The following OPCML variants were observed in gnomAD, a reference collection of about 807,000 sequenced individuals.
OPCML encodes the protein opioid binding protein/cell adhesion molecule like.
In OPCML, 13 loss-of-function variants were observed where a neutral mutation model predicts 37.8. That is an observed-to-expected ratio of 0.34 (90% CI 0.22 to 0.55). The LOEUF (loss-of-function observed/expected upper bound fraction) is 0.55, where lower values mean the gene tolerates loss of function less well. Ranked by LOEUF, OPCML falls within the 20% of genes least tolerant of loss-of-function variation. OPCML has a pLI of 0.91. For missense variants in OPCML, 341 were observed against 435.6 expected, an observed-to-expected ratio of 0.78 and a Z score of 1.93; for synonymous variants, 176 against 168.8, an observed-to-expected ratio of 1.04 and a Z score of -0.33.
chr11:133,160,017 C>T (rs1055716762), intron 1 of OPCML, among the ~76,000 whole-genome samples: 7 of 152,306 alleles, frequency 4.6e-5, no homozygotes, highest in East Asian at 3.9e-4. Context: ...GCTCCTGGAA[C>T]GCAGACACTG....
At chr11:133,386,709 A>G (rs1945062464) in intron 1 of OPCML, among the ~76,000 whole-genome samples, 1 of 152,192 alleles carries the variant, frequency 6.6e-6, no homozygotes, top group African/African-American at 2.4e-5. Context: ...TAAGCAAATC[A>G]CATCTAAATA....
At chr11:133,101,809 G>C (rs1949088498) in intron 1 of OPCML, among the ~76,000 whole-genome samples, 1 of 152,052 alleles carries the variant, frequency 6.6e-6, no homozygotes, top group African/African-American at 2.4e-5. Flanking sequence ...CAAAACTTGG[G>C]AGCAACCAAA....
intron 1 of OPCML, among the ~76,000 whole-genome samples, chr11:133,285,553 G>A (rs1050991964): frequency 3.9e-5 from 6 of 152,172 alleles, no homozygotes; most frequent in Non-Finnish European, 5.9e-5. Context: ...TAGAGAGGAA[G>A]GGTAATAACA....
intron 1 of OPCML, among the ~76,000 whole-genome samples, chr11:133,476,483 T>C (rs78775876): frequency 0.021 from 3,220 of 152,230 alleles, 114 homozygotes; most frequent in African/African-American, 0.074. Context: ...ATTTCAAATA[T>C]TTTCCCTGTG....
intron 2 of OPCML, among the ~76,000 whole-genome samples, chr11:132,744,229 C>T (rs1223011358): frequency 6.6e-6 from 1 of 152,206 alleles, no homozygotes; most frequent in African/African-American, 2.4e-5. Context: ...CCACTCTGTG[C>T]CAATTCAGGG....
At chr11:132,810,011 G>A (rs376236785) in intron 2 of OPCML, among the ~76,000 whole-genome samples, 4 of 151,900 alleles carry the variant, frequency 2.6e-5, no homozygotes, top group Non-Finnish European at 5.9e-5. Flanking sequence ...CACCACGCCC[G>A]GCTAATTTTT....
At chr11:133,297,639 T>A (rs1942663412) in intron 1 of OPCML, 2 of 152,234 alleles carry the variant, frequency 1.3e-5, no homozygotes, top group African/African-American at 4.8e-5. Context: ...ACAGATTACA[T>A]AGTATTTATC....
intron 2 of OPCML, among the ~76,000 whole-genome samples, chr11:132,868,001 T>G (rs1942641364): frequency 6.6e-6 from 1 of 152,202 alleles, no homozygotes; most frequent in African/African-American, 2.4e-5. Context: ...AAGCCAATCT[T>G]ATTTGTTAAT....
chr11:133,229,903 G>T (rs982439393), intron 1 of OPCML, among the ~76,000 whole-genome samples: 3 of 152,314 alleles, frequency 2.0e-5, no homozygotes, highest in Non-Finnish European at 4.4e-5. Context: ...GTGTGTGGAT[G>T]TACATGTGGC....
intron 1 of OPCML, among the ~76,000 whole-genome samples, chr11:133,229,285 G>A (rs1053482961): frequency 1.3e-5 from 2 of 152,112 alleles, no homozygotes; most frequent in South Asian, 2.1e-4. Flanking sequence ...GTAGTCCCCC[G>A]CTTTAACCGT....
intron 3 of OPCML, among the ~76,000 whole-genome samples, chr11:132,540,243 T>C (rs1029039585): frequency 1.3e-5 from 2 of 152,152 alleles, no homozygotes; most frequent in African/African-American, 4.8e-5. Context: ...CTTTTCACAC[T>C]GTTCTATTGT....
intron 2 of OPCML, among the ~76,000 whole-genome samples, chr11:132,719,471 T>C (rs1944605334): frequency 1.3e-5 from 2 of 152,248 alleles, no homozygotes; most frequent in African/African-American, 4.8e-5. Context: ...TTCCCTTACT[T>C]CTCCCCGGTT....
intron 4 of OPCML, among the ~76,000 whole-genome samples, chr11:132,507,212 A>T (rs2137157493): frequency 6.6e-6 from 1 of 152,178 alleles, no homozygotes; most frequent in South Asian, 2.1e-4. Context: ...AAAAAGTATT[A>T]AAATGCATAG....
At chr11:133,235,690 C>T (rs1940479993) in intron 1 of OPCML, among the ~76,000 whole-genome samples, 1 of 152,178 alleles carries the variant, frequency 6.6e-6, no homozygotes, top group Admixed American at 6.5e-5. Flanking sequence ...TCCTTGAGGT[C>T]CTAAACCACC....
intron 4 of OPCML, among the ~76,000 whole-genome samples, chr11:132,492,506 T>C (rs2096219205): frequency 6.6e-6 from 1 of 152,094 alleles, no homozygotes; most frequent in African/African-American, 2.4e-5. Context: ...AGTGTTGTTG[T>C]TGTCATTGTT....
At chr11:133,006,803 C>T in intron 1 of OPCML, 1 of 985,452 alleles carries the variant, frequency 1.0e-6, no homozygotes, top group Non-Finnish European at 1.2e-6. Flanking sequence ...GCCTTCCACT[C>T]TAGCAGGAGC....
chr11:132,760,906 T>A (rs1379294978), intron 2 of OPCML, among the ~76,000 whole-genome samples: 1 of 152,198 alleles, frequency 6.6e-6, no homozygotes, highest in Non-Finnish European at 1.5e-5. Context: ...ATGGCCTTTA[T>A]ATTTTGGTAT....
At chr11:132,841,203 G>A (rs1941271012) in intron 2 of OPCML, among the ~76,000 whole-genome samples, 1 of 152,142 alleles carries the variant, frequency 6.6e-6, no homozygotes, top group Non-Finnish European at 1.5e-5. Flanking sequence ...TAGGGTGAGA[G>A]TACTCCCCAC....
intron 2 of OPCML, among the ~76,000 whole-genome samples, chr11:132,926,954 G>A (rs906566798): frequency 6.6e-6 from 1 of 152,050 alleles, no homozygotes; most frequent in Admixed American, 6.5e-5. Context: ...ATTTGAACAA[G>A]CAGAAAAAAC....
Sources: allele counts gnomAD v4.1 joint callset (sites outside exome capture counted in the v4.1 genomes callset), GRCh38; gene constraint gnomAD v4.1.1; transcripts MANE v1.5; gene names NCBI Gene and HGNC (gene_info 2026-07-23, HGNC 2026-07-21).